The following RASSF1 variants were observed in gnomAD, a reference collection of about 807,000 sequenced individuals.
RASSF1 encodes ras association domain-containing protein 1.
In RASSF1, 33 loss-of-function variants were observed where a neutral mutation model predicts 34.3. The observed-to-expected ratio is 0.96, with a 90% CI of 0.73 to 1.29. The LOEUF is 1.29. Ranked by LOEUF, RASSF1 falls within the 50% of genes most tolerant of loss-of-function variation. The probability of loss-of-function intolerance (pLI) is 0.00; values close to 1 mark genes in which losing one functional copy is unlikely to be tolerated. For synonymous variants in RASSF1, 191 were observed against 195.0 expected (o/e 0.98, Z 0.17); for missense variants, 445 against 471.8 (o/e 0.94, Z 0.53).
In RASSF1 at chr3:50,330,819, A is replaced by T. The variant is rs1378667971; in HGVS notation, c.877-92T>A. On this transcript the variant is annotated intron_variant, in intron 5 of 5. Coordinates refer to ENST00000359365, the MANE Select transcript of RASSF1 (RefSeq NM_007182.5). This position sits in a 1 kb window ranked among gnomAD's most constrained non-coding sequence, Gnocchi z 4.5. ...GAGAAGACTAGCACCTCATGTTCAC[A>T]CAAGCTAGGACTGGGCTTTCTGATG... 1 of 1,368,810 alleles carries T rather than the reference A, an allele frequency of 7.3e-7. No individual in the cohort carries two copies. The highest frequency in any genetic ancestry group is 1.4e-5 in the African/African-American group (1 of 69,246). 84.8% of individuals were successfully genotyped at this position (1,368,810 alleles called of 1,614,324 possible). A position where few individuals can be genotyped will look rare whatever the true frequency, so the allele number is the denominator to read the frequency against.
chr3:50,335,616 G>A (rs1703108158), intron 2 of RASSF1, among the ~76,000 whole-genome samples: 1 of 151,998 alleles, frequency 6.6e-6, no homozygotes, highest in Non-Finnish European at 1.5e-5. Flanking sequence ...ACCAAGCCCA[G>A]CCTTCTTTCT....
intron 3 of RASSF1, 69 bp from the exon 4 acceptor site, chr3:50,331,925 G>T: frequency 6.4e-7 from 1 of 1,551,952 alleles, no homozygotes; most frequent in Non-Finnish European, 8.7e-7. Flanking sequence ...TTGGGGCTAG[G>T]CTGGGTATGC....
chr3:50,332,736 A>T (rs886516850), intron 2 of RASSF1, among the ~76,000 whole-genome samples: 1 of 151,964 alleles, frequency 6.6e-6, no homozygotes, highest in East Asian at 1.9e-4. Flanking sequence ...CAGCTACAGT[A>T]AGCTATTATC....
intron 2 of RASSF1, chr3:50,337,671 G>A: frequency 2.3e-6 from 2 of 887,800 alleles, no homozygotes; most frequent in Non-Finnish European, 3.4e-6. Flanking sequence ...AAGTGCGCGT[G>A]CGCGGAGCCT....
chr3:50,331,483 C>T lies in RASSF1; in HGVS notation c.761-34G>A, dbSNP rs139622866. 93 of 1,568,984 alleles carry T rather than the reference C, an allele frequency of 5.9e-5. No individual in the cohort carries two copies. In the African/African-American group the frequency reaches 1.2e-3, roughly 20 times the overall value. Reference sequence around the variant, plus strand: ...GGGAAGTAATGATCAGAGACAGGGCCAGCTGCTCAGCCCCTGCATGCTCAG... The same window carrying T: ...GGGAAGTAATGATCAGAGACAGGGCTAGCTGCTCAGCCCCTGCATGCTCAG... On this transcript the variant is annotated intron_variant, in intron 4 of 5. Transcript: ENST00000359365.
At chr3:50,336,991 A>T in intron 2 of RASSF1, 1 of 855,740 alleles carries the variant, frequency 1.2e-6, no homozygotes, top group Non-Finnish European at 1.7e-6. Context: ...CCCAGCATCT[A>T]GGCGGTGGAA....
intron 2 of RASSF1, chr3:50,337,629 T>C: frequency 9.6e-7 from 1 of 1,045,350 alleles, no homozygotes. Context: ...AAGAGTGGCC[T>C]CTGGCCGGAG....
chr3:50,340,514 C>G, intron 1 of RASSF1, 42 bp downstream of exon 1: 12 of 1,424,362 alleles, frequency 8.4e-6, no homozygotes, highest in Middle Eastern at 3.6e-4. Context: ...TGCCCCTTGG[C>G]TGCCCCTTCC....
intron 2 of RASSF1, among the ~76,000 whole-genome samples, chr3:50,335,679 G>C (rs901320242): frequency 6.6e-6 from 1 of 151,768 alleles, no homozygotes; most frequent in Non-Finnish European, 1.5e-5. Flanking sequence ...GCAGTGGCAC[G>C]ATCTTGGCTC....
chr3:50,340,045 T>A (rs1470324589), intron 1 of RASSF1, among the ~76,000 whole-genome samples: 1 of 152,204 alleles, frequency 6.6e-6, no homozygotes, highest in East Asian at 1.9e-4. Flanking sequence ...GGTGTGTGGC[T>A]GCGTGCATAT....
chr3:50,340,485 T>A, intron 1 of RASSF1, 71 bp downstream of exon 1: 3 of 1,384,768 alleles, frequency 2.2e-6, no homozygotes, highest in Non-Finnish European at 2.8e-6. Context: ...TGCCGCGACT[T>A]GACCCGCGGC....
rs1433110561 is a variant in RASSF1 at position 50,330,704 on chromosome 3, T to C, written c.900A>G (p.Glu300=). ...EVNWDAFSMP[E]LHNFLRILQR... is the part of the protein sequence containing the mutation. ...GCAGGATACGTAGGAAGTTATGTAG[T>C]TCAGGCATGCTGAAGGCGTCCCACT... Residue 300 remains glutamate, a synonymous_variant, in exon 6 of 6, where the codon GAA becomes GAG. Transcript: ENST00000359365. This position sits in a 1 kb window ranked among gnomAD's most constrained non-coding sequence, Gnocchi z 4.5. 6 of 1,613,882 alleles carry C rather than the reference T, an allele frequency of 3.7e-6. No individual in the cohort carries two copies. Among genetic ancestry groups the C allele is most frequent in the Non-Finnish European group, 5.1e-6 (6 of 1,179,966 alleles).
At chr3:50,336,990 TA>T in intron 2 of RASSF1, 1 of 857,904 alleles carries the variant, frequency 1.2e-6, no homozygotes, top group Non-Finnish European at 1.7e-6. Context: ...ACCCAGCATC[TA>T]GGCGGTGGAA....
At chr3:50,334,550 G>A (rs1575543400) in intron 2 of RASSF1, among the ~76,000 whole-genome samples, 1 of 152,244 alleles carries the variant, frequency 6.6e-6, no homozygotes, top group South Asian at 2.1e-4. Context: ...GCCAGGGCAA[G>A]AAGGAAGATC....
chr3:50,340,309 GA>G (rs1369573510), intron 1 of RASSF1, among the ~76,000 whole-genome samples: 1 of 152,188 alleles, frequency 6.6e-6, no homozygotes, highest in African/African-American at 2.4e-5. Context: ...TTAAAGATAA[GA>G]AACTTAAAAT....
intron 5 of RASSF1, 100 bp downstream of exon 5, chr3:50,331,234 G>A: frequency 1.0e-6 from 1 of 959,154 alleles, no homozygotes; most frequent in Non-Finnish European, 1.5e-6. Flanking sequence ...TGTTTTGCAG[G>A]GCTTGTCTTC....
chr3:50,332,215 T>A, intron 2 of RASSF1, 61 bp from the exon 3 acceptor site: 1 of 1,491,014 alleles, frequency 6.7e-7, no homozygotes, highest in South Asian at 1.1e-5. Context: ...CTCTGAAAAA[T>A]GGCCTCTGGG....
At chr3:50,335,313 C>CTTTTTT (rs906428880) in intron 2 of RASSF1, among the ~76,000 whole-genome samples, 13 of 107,966 alleles carry the variant, frequency 1.2e-4, no homozygotes, top group African/African-American at 1.5e-4. Flanking sequence ...CCTATTCTTT[C>CTTTTTT]TTTTTTTTTT....
intron 2 of RASSF1, among the ~76,000 whole-genome samples, 165 bp from the exon 3 acceptor site, chr3:50,332,319 T>G (rs1390324744): frequency 6.6e-6 from 1 of 152,210 alleles, no homozygotes; most frequent in Non-Finnish European, 1.5e-5. Flanking sequence ...GCTCCTGGTT[T>G]TGCATGCTCT....
Sources: gnomAD v4.1 joint callset for allele counts (sites outside exome capture counted in the v4.1 genomes callset) on GRCh38, gnomAD v4.1.1 for gene constraint, Gnocchi (gnomAD v3.1) non-coding constraint, MANE v1.5 for transcripts, NCBI Gene and HGNC (gene_info 2026-07-23, HGNC 2026-07-21) for gene names.